TMTC2: variants seen among roughly 807,000 people sequenced by gnomAD.
TMTC2 encodes protein O-mannosyl-transferase TMTC2.
Under a neutral mutation model 82.4 loss-of-function variants are expected in TMTC2, and 43 were observed. The observed-to-expected ratio is 0.52, with a 90% CI of 0.41 to 0.67. The LOEUF is 0.67. Among genes scored for constraint, TMTC2 ranks in the 30% least tolerant of loss-of-function variants. The probability of loss-of-function intolerance (pLI) is 0.00; values close to 1 mark genes in which losing one functional copy is unlikely to be tolerated. For synonymous variants in TMTC2, 408 were observed against 381.9 expected, an observed-to-expected ratio of 1.07 and a Z score of -0.80; for missense variants, 919 against 1,012.4, an observed-to-expected ratio of 0.91 and a Z score of 1.25.
At chr12:83,053,839 T>A (rs889204902) in intron 10 of TMTC2, among the ~76,000 whole-genome samples, 3 of 152,100 alleles carry the variant, frequency 2.0e-5, no homozygotes, top group African/African-American at 7.2e-5. Flanking sequence ...ATTAAAAACA[T>A]AAGAGCCTCT....
chr12:82,997,324 C>G (rs1968877), intron 8 of TMTC2, among the ~76,000 whole-genome samples: 708 of 25,268 alleles, frequency 0.028, 75 homozygotes, highest in Middle Eastern at 0.071. Flanking sequence ...GTGTGTGTGT[C>G]TGTGTGTGTG....
intron 11 of TMTC2, among the ~76,000 whole-genome samples, chr12:83,093,742 CTT>C (rs1883923524): frequency 6.6e-6 from 1 of 152,118 alleles, no homozygotes; most frequent in East Asian, 1.9e-4. Context: ...ACAGAACTGT[CTT>C]ATGTTTCAAA....
intron 1 of TMTC2, among the ~76,000 whole-genome samples, chr12:82,734,776 T>G (rs1033291328): frequency 1.3e-5 from 2 of 152,208 alleles, no homozygotes; most frequent in Non-Finnish European, 2.9e-5. Context: ...TCTCTACTTA[T>G]TTTCTTTGTT....
intron 1 of TMTC2, among the ~76,000 whole-genome samples, chr12:82,728,657 G>A (rs941247449): frequency 6.6e-5 from 10 of 152,328 alleles, no homozygotes; most frequent in East Asian, 3.9e-4. Context: ...CGGCCTTGGC[G>A]CCCACTCTGG....
At chr12:82,951,387 T>G (rs1268457682) in intron 4 of TMTC2, among the ~76,000 whole-genome samples, 1 of 151,984 alleles carries the variant, frequency 6.6e-6, no homozygotes, top group Non-Finnish European at 1.5e-5. Flanking sequence ...ACTTCCCGGG[T>G]TCAAGCAGTT....
intron 11 of TMTC2, among the ~76,000 whole-genome samples, chr12:83,105,331 A>G (rs1476228288): frequency 2.0e-5 from 3 of 151,976 alleles, no homozygotes; most frequent in Non-Finnish European, 4.4e-5. Flanking sequence ...ATTCCTTATT[A>G]CCAATTTTCT....
chr12:83,049,498 C>CT lies in TMTC2; in HGVS notation c.2153-1400dup, dbSNP rs1440250301. Reference sequence around the variant, plus strand: ...TTACTGCAGAGGACATGATCTCATTCTTTTTTGTGGCTGCATAGTATTCCA... The same window carrying CT: ...TTACTGCAGAGGACATGATCTCATTCTTTTTTTGTGGCTGCATAGTATTCCA... On this transcript the variant is annotated intron_variant, in intron 9 of 11. Transcript: ENST00000321196. 7.9e-5 allele frequency among the ~76,000 whole-genome samples: 12 copies of CT among 152,272 alleles called. No individual in the cohort carries two copies. In the East Asian group the frequency reaches 1.9e-3, roughly 24 times the overall value.
chr12:82,838,438 C>T (rs1260078807), intron 1 of TMTC2, among the ~76,000 whole-genome samples: 2 of 152,142 alleles, frequency 1.3e-5, no homozygotes, highest in African/African-American at 2.4e-5. Flanking sequence ...CCATGATGAT[C>T]GTTTTCAGCA....
chr12:82,898,198 A>G (rs1194990359), intron 3 of TMTC2, among the ~76,000 whole-genome samples: 3 of 152,184 alleles, frequency 2.0e-5, no homozygotes, highest in Non-Finnish European at 4.4e-5. Flanking sequence ...AATCATTACC[A>G]TGTGACTTTT....
chr12:82,928,669 G>A (rs572813638), intron 3 of TMTC2, among the ~76,000 whole-genome samples: 1 of 152,296 alleles, frequency 6.6e-6, no homozygotes, highest in African/African-American at 2.4e-5. Flanking sequence ...AGTTTTTGCT[G>A]TAACACTTCA....
intron 8 of TMTC2, among the ~76,000 whole-genome samples, chr12:83,007,781 A>C (rs1488774864): frequency 6.6e-6 from 1 of 152,174 alleles, no homozygotes; most frequent in Admixed American, 6.6e-5. Flanking sequence ...CTGCCTGAAG[A>C]AAATCTTGTA....
intron 3 of TMTC2, among the ~76,000 whole-genome samples, chr12:82,900,627 AATATATATAGGAATATATATCTCTGGAAT>A (rs1555195643): frequency 2.3e-4 from 29 of 127,056 alleles, no homozygotes; most frequent in Admixed American, 2.4e-4. Flanking sequence ...TATAGAGAGG[AATATATATAGGAATATATATCTCTGGAAT>A]ATATATATAG....
chr12:82,894,042 T>C (rs1209762967), intron 2 of TMTC2, among the ~76,000 whole-genome samples: 1 of 152,154 alleles, frequency 6.6e-6, no homozygotes, highest in African/African-American at 2.4e-5. Flanking sequence ...GGAAAGAGGC[T>C]ATGAAGAAGA....
chr12:82,888,227 T>C (rs571279742), intron 2 of TMTC2, among the ~76,000 whole-genome samples: 4 of 152,342 alleles, frequency 2.6e-5, no homozygotes, highest in African/African-American at 9.6e-5. Flanking sequence ...ATTTTTTGTT[T>C]GTACAGATGC....
chr12:83,060,206 T>C (rs948365346), intron 10 of TMTC2, among the ~76,000 whole-genome samples: 3 of 151,826 alleles, frequency 2.0e-5, no homozygotes, highest in Non-Finnish European at 2.9e-5. Flanking sequence ...CAAGGGTTTT[T>C]ACTTTCTTTA....
At chr12:83,008,208 C>T (rs1036924107) in intron 8 of TMTC2, among the ~76,000 whole-genome samples, 1 of 152,096 alleles carries the variant, frequency 6.6e-6, no homozygotes, top group Non-Finnish European at 1.5e-5. Context: ...TATTGGTGGC[C>T]TTTGAGTTTT....
intron 1 of TMTC2, among the ~76,000 whole-genome samples, chr12:82,764,973 G>A (rs1192194553): frequency 6.7e-6 from 1 of 150,318 alleles, no homozygotes; most frequent in Non-Finnish European, 1.5e-5. Flanking sequence ...TGTCTGGTGG[G>A]CGGGGGGGTG....
At chr12:82,889,131 G>A (rs1046494748) in intron 2 of TMTC2, among the ~76,000 whole-genome samples, 6 of 151,850 alleles carry the variant, frequency 4.0e-5, no homozygotes, top group African/African-American at 1.5e-4. Flanking sequence ...ACAAAAATTA[G>A]CCAGGCGTGG....
intron 11 of TMTC2, 105 bp from the exon 12 acceptor site, chr12:83,132,105 T>G: frequency 7.4e-7 from 1 of 1,347,806 alleles, no homozygotes; most frequent in Non-Finnish European, 9.9e-7. Flanking sequence ...AAAATGCCTC[T>G]AGACATAAGG....
Sources: gnomAD v4.1 joint callset for allele counts (sites outside exome capture counted in the v4.1 genomes callset) on GRCh38, gnomAD v4.1.1 for gene constraint, MANE v1.5 for transcripts, NCBI Gene and HGNC (gene_info 2026-07-23, HGNC 2026-07-21) for gene names.